The following PDE4D variants were observed in gnomAD, a reference collection of about 807,000 sequenced individuals.
The protein encoded by PDE4D is 3',5'-cyclic-AMP phosphodiesterase 4D.
PDE4D carries 24 observed loss-of-function variants against 87.4 expected under a neutral mutation model. The observed-to-expected ratio is 0.27, with a 90% CI of 0.20 to 0.39. The LOEUF (loss-of-function observed/expected upper bound fraction) is 0.39, where lower values mean the gene tolerates loss of function less well. Ranked by LOEUF, PDE4D falls within the 10% of genes least tolerant of loss-of-function variation. The pLI is 1.00. For synonymous variants in PDE4D, 384 were observed against 383.2 expected, an observed-to-expected ratio of 1.00 and a Z score of -0.02; for missense variants, 714 against 1,041.0, an observed-to-expected ratio of 0.69 and a Z score of 4.32.
At chr5:59,782,671 C>G (rs1764748550) in intron 1 of PDE4D, among the ~76,000 whole-genome samples, 1 of 152,192 alleles carries the variant, frequency 6.6e-6, no homozygotes, top group Non-Finnish European at 1.5e-5. Context: ...ATGGTCCTGT[C>G]CACCTTACTA....
intron 1 of PDE4D, among the ~76,000 whole-genome samples, chr5:60,405,357 T>A (rs1225669377): frequency 6.6e-6 from 1 of 152,234 alleles, no homozygotes; most frequent in Non-Finnish European, 1.5e-5. Context: ...TCCTCCATTC[T>A]CAACTACCAA....
chr5:59,685,434 T>A (rs1749695121), intron 1 of PDE4D, among the ~76,000 whole-genome samples: 1 of 152,192 alleles, frequency 6.6e-6, no homozygotes, highest in Non-Finnish European at 1.5e-5. Flanking sequence ...GCACACATGG[T>A]CTTGCAGGGC....
At chr5:59,144,866 C>A (rs35425879) in intron 5 of PDE4D, among the ~76,000 whole-genome samples, 1 of 118,884 alleles carries the variant, frequency 8.4e-6, no homozygotes, top group Non-Finnish European at 1.6e-5. Flanking sequence ...TTTTAGAGAC[C>A]GTATTCCCTT....
intron 1 of PDE4D, among the ~76,000 whole-genome samples, chr5:59,287,458 C>A (rs1338012993): frequency 6.6e-6 from 1 of 152,108 alleles, no homozygotes; most frequent in East Asian, 1.9e-4. Context: ...TGGACGTCAT[C>A]TCTAGACCTG....
At chr5:59,301,967 C>T (rs1387451629) in intron 1 of PDE4D, among the ~76,000 whole-genome samples, 1 of 152,174 alleles carries the variant, frequency 6.6e-6, no homozygotes, top group Admixed American at 6.6e-5. Context: ...GACCAGGCAT[C>T]TGCAGTAAGG....
In PDE4D at chr5:58,975,906, A is replaced by AAC; in HGVS notation, c.1831-68_1831-67insGT. Reference sequence around the variant, plus strand: ...TTTTTTAAAAAAAAAAACAAAAAAAACTAGAAATTCACATTGGATGACTGC... The same window carrying AAC: ...TTTTTTAAAAAAAAAAACAAAAAAAAACCTAGAAATTCACATTGGATGACTGC... On this transcript the variant is annotated intron_variant, in intron 13 of 14. Transcript: ENST00000340635. This position sits in a 1 kb window ranked among gnomAD's most constrained non-coding sequence, Gnocchi z 4.2. The AAC allele has an allele frequency of 8.3e-7, 1 of 1,209,826 alleles. No individual in the cohort carries two copies. Among genetic ancestry groups the AAC allele is most frequent in the South Asian group, 2.1e-5 (1 of 46,840 alleles). The allele number at this position is 1,209,826 out of a possible 1,614,324, so 74.9% of individuals were successfully genotyped here.
chr5:60,391,973 C>T (rs192200207), intron 1 of PDE4D, among the ~76,000 whole-genome samples: 1 of 152,242 alleles, frequency 6.6e-6, no homozygotes, highest in Non-Finnish European at 1.5e-5. Context: ...ATTCAAGACC[C>T]TTCTGAAACT....
At chr5:60,042,677 A>C (rs1454572264) in intron 2 of PDE4D, among the ~76,000 whole-genome samples, 2 of 152,226 alleles carry the variant, frequency 1.3e-5, no homozygotes, top group Non-Finnish European at 2.9e-5. Context: ...GACATCCAGC[A>C]AACTCCAGCA....
At chr5:60,370,486 G>A (rs1760928671) in intron 1 of PDE4D, among the ~76,000 whole-genome samples, 1 of 151,880 alleles carries the variant, frequency 6.6e-6, no homozygotes, top group Non-Finnish European at 1.5e-5. Context: ...CAATATATAA[G>A]GAAAGGCAAG....
At chr5:59,926,984 T>C (rs1561870015) in intron 3 of PDE4D, among the ~76,000 whole-genome samples, 1 of 152,094 alleles carries the variant, frequency 6.6e-6, no homozygotes, top group South Asian at 2.1e-4. Flanking sequence ...TTCTGAAAAA[T>C]AGAAGAGGAG....
chr5:59,006,675 C>T (rs1470035697), intron 6 of PDE4D, among the ~76,000 whole-genome samples: 1 of 152,134 alleles, frequency 6.6e-6, no homozygotes, highest in Admixed American at 6.5e-5. Context: ...AGGCCACTTC[C>T]CTGCTATTCC....
intron 2 of PDE4D, among the ~76,000 whole-genome samples, chr5:60,016,037 G>C (rs937741380): frequency 5.3e-5 from 8 of 151,862 alleles, no homozygotes; most frequent in African/African-American, 1.9e-4. Context: ...GTGTGTGTGT[G>C]TGTGTGTGTG....
At chr5:59,066,767 G>A (rs939154368) in intron 5 of PDE4D, among the ~76,000 whole-genome samples, 2 of 152,088 alleles carry the variant, frequency 1.3e-5, no homozygotes, top group African/African-American at 2.4e-5. Context: ...ATTAGGTCAT[G>A]AGAGCACAGC....
At chr5:59,192,382 G>A (rs1479126202) in intron 3 of PDE4D, among the ~76,000 whole-genome samples, 1 of 152,030 alleles carries the variant, frequency 6.6e-6, no homozygotes, top group Non-Finnish European at 1.5e-5. Flanking sequence ...TTATGAGGTG[G>A]GTACTCTTGG....
intron 1 of PDE4D, among the ~76,000 whole-genome samples, chr5:60,189,948 T>C (rs1233588268): frequency 3.3e-5 from 5 of 152,314 alleles, no homozygotes; most frequent in Middle Eastern, 3.4e-3. Flanking sequence ...CTCCAACTCA[T>C]CAAAAGATAT....
At chr5:60,461,345 C>T (rs1456240318) in intron 1 of PDE4D, among the ~76,000 whole-genome samples, 1 of 152,154 alleles carries the variant, frequency 6.6e-6, no homozygotes, top group African/African-American at 2.4e-5. Flanking sequence ...CAGGACTATG[C>T]GGTGCACAAT....
chr5:59,976,068 C>T (rs532606855), intron 3 of PDE4D, among the ~76,000 whole-genome samples: 7 of 152,126 alleles, frequency 4.6e-5, no homozygotes, highest in African/African-American at 1.7e-4. Context: ...AGCCTTGGGT[C>T]GCCAGTGCAT....
chr5:60,068,562 T>A (rs974368180), intron 2 of PDE4D, among the ~76,000 whole-genome samples: 1 of 152,062 alleles, frequency 6.6e-6, no homozygotes. Context: ...TCCTTTTCAC[T>A]CTGTTGATTC....
intron 1 of PDE4D, among the ~76,000 whole-genome samples, chr5:59,484,948 C>G (rs907136320): frequency 6.6e-6 from 1 of 152,170 alleles, no homozygotes; most frequent in African/African-American, 2.4e-5. Flanking sequence ...GAGACTCAAG[C>G]TAATAAACCA....
Sources: gnomAD v4.1 joint callset for allele counts (sites outside exome capture counted in the v4.1 genomes callset) on GRCh38, gnomAD v4.1.1 for gene constraint, Gnocchi (gnomAD v3.1) non-coding constraint, MANE v1.5 for transcripts, NCBI Gene and HGNC (gene_info 2026-07-23, HGNC 2026-07-21) for gene names.